Variants in UBP1 observed in about 807,000 individuals in gnomAD.
UBP1 encodes the protein upstream binding protein 1.
UBP1 carries 22 observed loss-of-function variants against 76.1 expected under a neutral mutation model. The observed-to-expected ratio is 0.29, with a 90% confidence interval of 0.21 to 0.41. The LOEUF is 0.41. UBP1 is among the 10% of genes least tolerant of loss of function. UBP1 has a pLI of 1.00. For missense variants in UBP1, 436 were observed against 668.1 expected, an observed-to-expected ratio of 0.65 and a Z score of 3.83; for synonymous variants, 224 against 237.1, an observed-to-expected ratio of 0.94 and a Z score of 0.51.
intron 1 of UBP1, among the ~76,000 whole-genome samples, chr3:33,437,171 A>C (rs1314780065): frequency 6.6e-6 from 1 of 152,126 alleles, no homozygotes; most frequent in African/African-American, 2.4e-5. Flanking sequence ...AATGTTAGTA[A>C]TTAGCCCCAA....
intron 2 of UBP1, among the ~76,000 whole-genome samples, chr3:33,419,106 G>A (rs1412974968): frequency 1.3e-5 from 2 of 152,164 alleles, no homozygotes; most frequent in Admixed American, 6.5e-5. Flanking sequence ...ACAGAAAGAA[G>A]AGTTGAGGAT....
intron 2 of UBP1, among the ~76,000 whole-genome samples, chr3:33,419,844 AAGGATCC>A (rs1165469785): frequency 6.6e-6 from 1 of 152,212 alleles, no homozygotes; most frequent in Non-Finnish European, 1.5e-5. Context: ...AAATATAAAG[AAGGATCC>A]AGTATTAATG....
intron 2 of UBP1, among the ~76,000 whole-genome samples, chr3:33,424,084 T>C (rs2044967831): frequency 6.6e-6 from 1 of 152,244 alleles, no homozygotes; most frequent in Non-Finnish European, 1.5e-5. Flanking sequence ...TTATTTCCTT[T>C]TTTATCTTTA....
intron 1 of UBP1, among the ~76,000 whole-genome samples, chr3:33,431,459 C>T (rs566507234): frequency 2.1e-4 from 32 of 152,170 alleles, no homozygotes; most frequent in Middle Eastern, 3.4e-3. Context: ...AAAGTTCCGC[C>T]GGGTGCAGTG....
chr3:33,418,564 A>C (rs558740626), intron 2 of UBP1, among the ~76,000 whole-genome samples: 7 of 151,950 alleles, frequency 4.6e-5, no homozygotes, highest in East Asian at 2.0e-4. Context: ...CGGCCATAAG[A>C]AGTATTTAAT....
chr3:33,428,535 C>A (rs2045059289), intron 1 of UBP1, among the ~76,000 whole-genome samples: 1 of 151,892 alleles, frequency 6.6e-6, no homozygotes, highest in Non-Finnish European at 1.5e-5. Flanking sequence ...AAGACAACCA[C>A]TTTTTTATTC....
intron 13 of UBP1, among the ~76,000 whole-genome samples, 198 bp downstream of exon 13, chr3:33,395,964 G>A (rs1226944188): frequency 1.3e-5 from 2 of 152,022 alleles, no homozygotes; most frequent in Non-Finnish European, 2.9e-5. Context: ...TGCAATGACT[G>A]AGAAAGAATG....
chr3:33,411,752 A>G (rs1056290819), intron 4 of UBP1, 65 bp from the exon 5 acceptor site: 1 of 1,273,634 alleles, frequency 7.9e-7, no homozygotes, highest in Admixed American at 1.7e-5. Flanking sequence ...CTTACAACTT[A>G]CTATATTATG....
chr3:33,437,396 C>T (rs1230396151), intron 1 of UBP1, among the ~76,000 whole-genome samples: 1 of 152,172 alleles, frequency 6.6e-6, no homozygotes, highest in Non-Finnish European at 1.5e-5. Context: ...GGTCTACAAG[C>T]ATACCAAACA....
At chr3:33,422,647 C>G (rs2044927451) in intron 2 of UBP1, among the ~76,000 whole-genome samples, 1 of 150,982 alleles carries the variant, frequency 6.6e-6, no homozygotes, top group African/African-American at 2.4e-5. Flanking sequence ...ATCACTTTAG[C>G]CTGGGAGGTC....
At chr3:33,419,589 T>C (rs547777132) in intron 2 of UBP1, among the ~76,000 whole-genome samples, 79 of 148,636 alleles carry the variant, frequency 5.3e-4, no homozygotes, top group African/African-American at 1.7e-3. Flanking sequence ...GATCGCGCCA[T>C]TGCACTCCAG....
At chr3:33,432,956 G>T (rs2045137658) in intron 1 of UBP1, among the ~76,000 whole-genome samples, 1 of 152,164 alleles carries the variant, frequency 6.6e-6, no homozygotes, top group Non-Finnish European at 1.5e-5. Context: ...TCAAAATGAA[G>T]AGTTTTAAGT....
intron 11 of UBP1, 90 bp downstream of exon 11, chr3:33,400,099 T>C (rs1187364378): frequency 1.5e-5 from 12 of 822,046 alleles, no homozygotes; most frequent in Non-Finnish European, 1.9e-5. Context: ...TCCATAGTTA[T>C]TTCAAAATTT....
At chr3:33,440,509 AG>A (rs1375142997), upstream of UBP1, 12 of 127,376 alleles carry the variant, frequency 9.4e-5, no homozygotes, top group Non-Finnish European at 9.5e-5. Flanking sequence ...CTCGCGGCCC[AG>A]GAACTGTCCA....
rs2043680659 is a variant in UBP1 at position 33,389,692 on chromosome 3, C to T, written c.*639G>A. ...TTAGGATTTACACTGATCCTCTCAC[C>T]AAGGTACTCCTGATAATGCAGTTTG... On this transcript the variant is annotated 3_prime_UTR_variant, in exon 16 of 16. Transcript: ENST00000283629. 6.6e-6 allele frequency: 1 copy of T among 152,548 alleles called. No individual in the cohort carries two copies. Among genetic ancestry groups the T allele is most frequent in the Non-Finnish European group, 1.5e-5 (1 of 68,074 alleles). The allele number at this position is 152,548 out of a possible 1,614,324, so 9.4% of individuals were successfully genotyped here.
intron 8 of UBP1, among the ~76,000 whole-genome samples, chr3:33,408,127 T>C (rs1285488817): frequency 6.6e-6 from 1 of 152,112 alleles, no homozygotes; most frequent in Non-Finnish European, 1.5e-5. Flanking sequence ...GTTTTTTTTT[T>C]TCTACCAGTG....
In UBP1 at chr3:33,402,782, G is replaced by T; in HGVS notation, c.1031+19C>A. 1.3e-6 allele frequency: 2 copies of T among 1,507,534 alleles called. No individual in the cohort carries two copies. The highest frequency in any genetic ancestry group is 1.3e-5 in the South Asian group (1 of 76,936). The allele number at this position is 1,507,534 out of a possible 1,614,324, so 93.4% of individuals were successfully genotyped here. On this transcript the variant is annotated intron_variant, in intron 9 of 15. Transcript: ENST00000283629. Reference sequence around the variant, plus strand: ...GAGCATTAGTTAGCTGCAGGCACACGATCACACAAACTAGATACCTGTCTG... The same window carrying T: ...GAGCATTAGTTAGCTGCAGGCACACTATCACACAAACTAGATACCTGTCTG...
At chr3:33,407,923 G>A (rs994575099) in intron 8 of UBP1, among the ~76,000 whole-genome samples, 1 of 152,140 alleles carries the variant, frequency 6.6e-6, no homozygotes, top group Admixed American at 6.5e-5. Context: ...CATCGTTTGT[G>A]GACTAATAGA....
At chr3:33,393,102 TAAGCC>T in intron 14 of UBP1, 1 of 527,530 alleles carries the variant, frequency 1.9e-6, no homozygotes, top group Non-Finnish European at 3.1e-6. Context: ...GGGGGGAGGC[TAAGCC>T]AGTTTTCCTT....
Sources: gnomAD v4.1 joint callset for allele counts (sites outside exome capture counted in the v4.1 genomes callset) on GRCh38, gnomAD v4.1.1 for gene constraint, MANE v1.5 for transcripts, NCBI Gene and HGNC (gene_info 2026-07-23, HGNC 2026-07-21) for gene names.